Variants in PCDHA6 observed in about 807,000 individuals in gnomAD.
PCDHA6 encodes the protein protocadherin alpha-6.
A neutral mutation model predicts 60.3 loss-of-function variants in PCDHA6; 55 were observed. The observed-to-expected ratio is 0.91, with a 90% CI of 0.73 to 1.14. The LOEUF is 1.14. Ranked by LOEUF, PCDHA6 falls within the 50% of genes most tolerant of loss-of-function variation. The probability of loss-of-function intolerance (pLI) is 0.00; values close to 1 mark genes in which losing one functional copy is unlikely to be tolerated. For synonymous variants in PCDHA6, 652 were observed against 557.9 expected, an observed-to-expected ratio of 1.17 and a Z score of -2.38; for missense variants, 1,327 against 1,256.5, an observed-to-expected ratio of 1.06 and a Z score of -0.85.
chr5:140,852,882 C>A (rs1562485802), intron 1 of PCDHA6: 2 of 936,178 alleles, frequency 2.1e-6, no homozygotes, highest in South Asian at 4.9e-5. Flanking sequence ...AATCATAAAA[C>A]GTATTTTTTT....
chr5:140,831,604 C>G (rs1771639658), intron 1 of PCDHA6, among the ~76,000 whole-genome samples: 1 of 148,704 alleles, frequency 6.7e-6, no homozygotes. Context: ...TGCAAGTGAT[C>G]TGCCCACCTT....
intron 1 of PCDHA6, chr5:140,883,837 G>A (rs1554180178): frequency 6.2e-7 from 1 of 1,612,730 alleles, no homozygotes; most frequent in East Asian, 2.2e-5. Context: ...TGCAGCCGTT[G>A]GACCACGAGG....
intron 1 of PCDHA6, chr5:140,966,441 C>A (rs2096002534): frequency 4.7e-6 from 2 of 424,804 alleles, no homozygotes; most frequent in South Asian, 1.8e-4. Context: ...CTACCGCTCC[C>A]TTTCCCCCTC....
intron 1 of PCDHA6, among the ~76,000 whole-genome samples, chr5:140,872,369 G>A (rs192689204): frequency 1.3e-4 from 20 of 152,274 alleles, no homozygotes; most frequent in Admixed American, 1.2e-3. Context: ...GTTCAGGCCT[G>A]TAATCCCAGC....
At chr5:140,899,983 T>C (rs1313036603) in intron 1 of PCDHA6, among the ~76,000 whole-genome samples, 5 of 151,754 alleles carry the variant, frequency 3.3e-5, no homozygotes, top group Non-Finnish European at 7.4e-5. Flanking sequence ...ACTTTTTTGA[T>C]TTTTTTTGTA....
chr5:140,879,671 G>T (rs1442617511), intron 1 of PCDHA6, among the ~76,000 whole-genome samples: 3 of 152,210 alleles, frequency 2.0e-5, no homozygotes, highest in Admixed American at 1.3e-4. Context: ...AACACAAACT[G>T]GGTGCTGTAA....
intron 1 of PCDHA6, among the ~76,000 whole-genome samples, chr5:140,924,825 G>A (rs1282051408): frequency 1.3e-5 from 2 of 151,514 alleles, no homozygotes; most frequent in African/African-American, 4.9e-5. Flanking sequence ...AACCTGGGAG[G>A]GGGAGGTTGC....
intron 1 of PCDHA6, among the ~76,000 whole-genome samples, chr5:140,846,008 T>C (rs1253798347): frequency 1.3e-5 from 2 of 149,708 alleles, no homozygotes; most frequent in African/African-American, 2.4e-5. Context: ...ATGAAAAAAA[T>C]CTAAAAGTTA....
intron 1 of PCDHA6, among the ~76,000 whole-genome samples, chr5:140,879,144 G>A (rs1309421547): frequency 6.6e-6 from 1 of 152,168 alleles, no homozygotes; most frequent in Non-Finnish European, 1.5e-5. Context: ...TGTGAAGGCA[G>A]GAAAGCTATT....
At chr5:140,870,561 C>T (rs544569992) in intron 1 of PCDHA6, 6 of 1,614,010 alleles carry the variant, frequency 3.7e-6, no homozygotes, top group African/African-American at 1.3e-5. Flanking sequence ...CGCAGGAGAA[C>T]GCGCTGGTGT....
Position 140,877,369 on chromosome 5 carries a change from A to C in PCDHA6, c.2394+46884A>C, listed in dbSNP as rs201135340. 6.4e-5 allele frequency: 103 copies of C among 1,614,000 alleles called. No homozygotes were observed. The African/African-American group carries it at 1.3e-3, about 20-fold the overall frequency. ...GGGGCTGTACACTGGCGAGATCAGC[A>C]CGACACGCATCCTGGATGAGGCGGA... On this transcript the variant is annotated intron_variant, in intron 1 of 3. Transcript: ENST00000529310.
chr5:140,850,888 A>T, intron 1 of PCDHA6: 1 of 1,581,398 alleles, frequency 6.3e-7, no homozygotes, highest in Non-Finnish European at 8.6e-7. Context: ...TCAACTGGGA[A>T]GGTGGGTTTT....
At chr5:140,863,157 C>G in intron 1 of PCDHA6, 1 of 638,958 alleles carries the variant, frequency 1.6e-6, no homozygotes, top group South Asian at 1.4e-5. Flanking sequence ...AGGACCACTG[C>G]GAGCTGGCGC....
chr5:140,876,079 G>C, intron 1 of PCDHA6: 1 of 1,613,940 alleles, frequency 6.2e-7, no homozygotes, highest in Non-Finnish European at 8.5e-7. Flanking sequence ...ATTGGACAGA[G>C]AGCAAACGCC....
intron 3 of PCDHA6, among the ~76,000 whole-genome samples, chr5:140,999,867 C>A (rs1269782566): frequency 1.3e-5 from 2 of 152,190 alleles, no homozygotes; most frequent in African/African-American, 4.8e-5. Context: ...TCCAAGATTA[C>A]TGAAAATTAG....
At chr5:140,922,655 C>G (rs1468761948) in intron 1 of PCDHA6, among the ~76,000 whole-genome samples, 1 of 152,134 alleles carries the variant, frequency 6.6e-6, no homozygotes, top group Non-Finnish European at 1.5e-5. Context: ...GTAAATATGG[C>G]TATACTGCAA....
rs782160195 is a variant in PCDHA6, at chr5:140,857,078, G to C, written c.2394+26593G>C. 17 of 1,597,076 alleles carry C rather than the reference G, an allele frequency of 1.1e-5. 2 individuals are homozygous for C. The highest frequency in any genetic ancestry group is 1.5e-5 in the Non-Finnish European group (17 of 1,166,812). On this transcript the variant is annotated intron_variant, in intron 1 of 3. Transcript: ENST00000529310. ...CCTAGTGGAACTACTGGATGAAAATGATAATTCACCTGAGGTGATTGTCAC... is the reference window on the plus strand; with the variant it reads ...CCTAGTGGAACTACTGGATGAAAATCATAATTCACCTGAGGTGATTGTCAC...
intron 1 of PCDHA6, chr5:140,928,905 G>T: frequency 6.2e-7 from 1 of 1,614,138 alleles, no homozygotes; most frequent in South Asian, 1.1e-5. Flanking sequence ...AAGATGTCTG[G>T]GAACCAGGAG....
chr5:140,903,448 G>T (rs188990837), intron 1 of PCDHA6, among the ~76,000 whole-genome samples: 2 of 152,278 alleles, frequency 1.3e-5, no homozygotes, highest in African/African-American at 2.4e-5. Context: ...GAATTCATCT[G>T]ATCAAACTTA....
Sources: allele counts gnomAD v4.1 joint callset (sites outside exome capture counted in the v4.1 genomes callset), GRCh38; gene constraint gnomAD v4.1.1; transcripts MANE v1.5; gene names NCBI Gene and HGNC (gene_info 2026-07-23, HGNC 2026-07-21).